Variants in LRP1B observed in about 807,000 individuals in gnomAD.
The protein encoded by LRP1B is low-density lipoprotein receptor-related protein 1B.
A neutral mutation model predicts 556.6 loss-of-function variants in LRP1B; 217 were observed. The observed-to-expected ratio is 0.39, with a 90% confidence interval of 0.35 to 0.44. The LOEUF (loss-of-function observed/expected upper bound fraction) is 0.44. Among genes scored for constraint, LRP1B ranks in the 20% least tolerant of loss-of-function variants. The pLI is 1.00. For synonymous variants in LRP1B, 2,047 were observed against 1,865.8 expected (o/e 1.10, Z -2.50); for missense variants, 5,053 against 5,620.8 (o/e 0.90, Z 3.23).
chr2:141,365,920 A>G (rs569973597), intron 3 of LRP1B, among the ~76,000 whole-genome samples: 1 of 151,962 alleles, frequency 6.6e-6, no homozygotes, highest in Admixed American at 6.5e-5. Flanking sequence ...TGACCCGCCC[A>G]CCTCAGCCTC....
At position 141,344,539 on chromosome 2, in the gene LRP1B, T is replaced by C. The variant is rs546548046; in HGVS notation, c.344-89898A>G. Reference sequence around the variant, plus strand: ...TCATTGAGGAACCCTGTGGTCACTCTATGTAAATTCTACAACCCAAATCTG... The same window carrying C: ...TCATTGAGGAACCCTGTGGTCACTCCATGTAAATTCTACAACCCAAATCTG... On this transcript the variant is annotated intron_variant, in intron 3 of 90. Coordinates refer to ENST00000389484, the MANE Select transcript of LRP1B (RefSeq NM_018557.3). 1.4e-4 allele frequency among the ~76,000 whole-genome samples: 22 copies of C among 152,314 alleles called. No homozygotes were observed. In the South Asian group the frequency reaches 4.6e-3, roughly 32 times the overall value.
chr2:140,757,803 C>G (rs1559100542), intron 35 of LRP1B, among the ~76,000 whole-genome samples: 1 of 152,164 alleles, frequency 6.6e-6, no homozygotes, highest in Non-Finnish European at 1.5e-5. Context: ...ATCGCCTGAA[C>G]CTGGGAGGCG....
intron 10 of LRP1B, among the ~76,000 whole-genome samples, chr2:141,051,156 GA>G (rs1197278104): frequency 6.6e-6 from 1 of 152,094 alleles, no homozygotes; most frequent in East Asian, 1.9e-4. Flanking sequence ...TGGAGAAATA[GA>G]AACGCTTTTA....
chr2:142,013,484 A>G (rs1337632429), intron 1 of LRP1B, among the ~76,000 whole-genome samples: 2 of 152,162 alleles, frequency 1.3e-5, no homozygotes, highest in East Asian at 3.9e-4. Flanking sequence ...TCAATCAACA[A>G]GAACTATATA....
At chr2:141,479,952 A>C (rs1682856793) in intron 3 of LRP1B, among the ~76,000 whole-genome samples, 2 of 152,108 alleles carry the variant, frequency 1.3e-5, no homozygotes, top group African/African-American at 4.8e-5. Flanking sequence ...TGAAGGAAAA[A>C]TTTTCCTTCA....
intron 43 of LRP1B, among the ~76,000 whole-genome samples, chr2:140,559,207 T>G (rs1000253756): frequency 1.3e-5 from 2 of 150,680 alleles, no homozygotes; most frequent in Admixed American, 6.7e-5. Context: ...AAATTAACTG[T>G]TTTTTTTTAA....
intron 3 of LRP1B, among the ~76,000 whole-genome samples, chr2:141,373,984 T>C (rs1481363329): frequency 4.6e-5 from 7 of 152,146 alleles, no homozygotes; most frequent in African/African-American, 1.4e-4. Flanking sequence ...TTTGTGATGG[T>C]GAATTTTGAC....
chr2:140,868,921 A>G (rs1013020137), intron 25 of LRP1B, among the ~76,000 whole-genome samples: 1 of 152,082 alleles, frequency 6.6e-6, no homozygotes, highest in African/African-American at 2.4e-5. Flanking sequence ...GCAGCCAGAA[A>G]TGGGTCCCCG....
At chr2:140,817,517 A>C (rs1387511087) in intron 31 of LRP1B, among the ~76,000 whole-genome samples, 2 of 151,658 alleles carry the variant, frequency 1.3e-5, no homozygotes, top group Non-Finnish European at 3.0e-5. Context: ...GGCCAGTTTA[A>C]TTGTTACTGA....
rs1573679344 is a variant in LRP1B, at chr2:140,247,250, G to A, written c.13248-88C>T. ...ATGTAGTAACTTTAACCAAATGAAAGGTTACAGGAGCCAGTCATCACAAAT... is the reference window on the plus strand; with the variant it reads ...ATGTAGTAACTTTAACCAAATGAAAAGTTACAGGAGCCAGTCATCACAAAT... On this transcript the variant is annotated intron_variant, in intron 86 of 90. Transcript: ENST00000389484. 4.9e-6 allele frequency: 4 copies of A among 822,626 alleles called. 1 individual carries two copies. Among genetic ancestry groups the A allele is most frequent in the South Asian group, 4.3e-5 (3 of 70,404 alleles). 51.0% of individuals were successfully genotyped at this position (822,626 alleles called of 1,614,324 possible). A position where few individuals can be genotyped will look rare whatever the true frequency, so the allele number is the denominator to read the frequency against.
At chr2:141,754,244 GA>G (rs145439331) in intron 2 of LRP1B, among the ~76,000 whole-genome samples, 13 of 149,078 alleles carry the variant, frequency 8.7e-5, no homozygotes, top group East Asian at 2.0e-4. Flanking sequence ...CTACGGCAAT[GA>G]AAAAAAAAAT....
At chr2:140,400,446 C>T (rs1452889332) in intron 66 of LRP1B, among the ~76,000 whole-genome samples, 1 of 152,102 alleles carries the variant, frequency 6.6e-6, no homozygotes, top group Non-Finnish European at 1.5e-5. Flanking sequence ...TCTTCCTTTC[C>T]CTGGTTTACT....
rs560363480 is a variant in LRP1B at position 142,031,330 on chromosome 2, A to ATTTTTTTTTTTTTTTTTTTTTTTTTTT, written c.82+99317_82+99318insAAAAAAAAAAAAAAAAAAAAAAAAAAA. Among the ~76,000 whole-genome samples the ATTTTTTTTTTTTTTTTTTTTTTTTTTT allele has an allele frequency of 6.0e-5, 7 of 117,050 alleles. 1 individual carries two copies. Among genetic ancestry groups the ATTTTTTTTTTTTTTTTTTTTTTTTTTT allele is most frequent in the African/African-American group, 2.1e-4 (7 of 33,916 alleles). The allele number at this position is 117,050 out of a possible 152,430, so 76.8% of individuals were successfully genotyped here. A position where few individuals can be genotyped will look rare whatever the true frequency, so the allele number is the denominator to read the frequency against. On this transcript the variant is annotated intron_variant, in intron 1 of 90. Coordinates refer to ENST00000389484, the MANE Select transcript of LRP1B (RefSeq NM_018557.3). ...ATTTAGAGAAAGGTTGATTATACTT[A>ATTTTTTTTTTTTTTTTTTTTTTTTTTT]TTTTTTTTTTTTTTTTTTATTATAC...
intron 7 of LRP1B, among the ~76,000 whole-genome samples, chr2:141,072,933 A>G (rs1188286194): frequency 1.3e-5 from 2 of 152,082 alleles, no homozygotes; most frequent in African/African-American, 2.4e-5. Context: ...GGGGAGAAAT[A>G]TACACTCAGT....
At chr2:141,296,968 C>T (rs79241271) in intron 3 of LRP1B, among the ~76,000 whole-genome samples, 10 of 152,158 alleles carry the variant, frequency 6.6e-5, no homozygotes, top group Non-Finnish European at 1.3e-4. Flanking sequence ...TTTGATTTTA[C>T]GTTCCAGCAT....
At chr2:140,547,243 T>G (rs749593706) in intron 43 of LRP1B, among the ~76,000 whole-genome samples, 3 of 152,128 alleles carry the variant, frequency 2.0e-5, no homozygotes, top group Non-Finnish European at 4.4e-5. Flanking sequence ...CAGCTTATTT[T>G]TATACATTTG....
intron 11 of LRP1B, among the ~76,000 whole-genome samples, chr2:141,036,963 G>A (rs927817061): frequency 7.2e-5 from 11 of 151,944 alleles, no homozygotes; most frequent in African/African-American, 1.9e-4. Context: ...GAGGAGAAGG[G>A]CCCACCTTCA....
At chr2:140,426,961 C>G (rs1052974643) in intron 66 of LRP1B, among the ~76,000 whole-genome samples, 1 of 152,186 alleles carries the variant, frequency 6.6e-6, no homozygotes, top group Non-Finnish European at 1.5e-5. Flanking sequence ...AAAGCAGCCT[C>G]TTTTTACTCT....
At chr2:140,374,845 C>T (rs540843126) in intron 68 of LRP1B, among the ~76,000 whole-genome samples, 1 of 152,040 alleles carries the variant, frequency 6.6e-6, no homozygotes, top group African/African-American at 2.4e-5. Context: ...TGCAAGTGGG[C>T]TCATTTAAGT....
Sources: gnomAD v4.1 joint callset for allele counts (sites outside exome capture counted in the v4.1 genomes callset) on GRCh38, gnomAD v4.1.1 for gene constraint, MANE v1.5 for transcripts, NCBI Gene and HGNC (gene_info 2026-07-23, HGNC 2026-07-21) for gene names.